The following MYO15B variants were observed in gnomAD, a reference collection of about 807,000 sequenced individuals.
The protein encoded by MYO15B is myosin XVB.
MYO15B carries 207 observed loss-of-function variants against 119.3 expected under a neutral mutation model. The observed-to-expected ratio is 1.73, with a 90% CI of 1.55 to 1.95. The LOEUF is 1.95. Among genes scored for constraint, MYO15B ranks in the 30% most tolerant of loss-of-function variants. The pLI is 0.00. For synonymous variants in MYO15B, 966 were observed against 498.9 expected (o/e 1.94, Z -12.48); for missense variants, 2,264 against 1,203.1 (o/e 1.88, Z -13.04).
chr17:75,617,439 C>T, intron 41 of MYO15B, 135 bp downstream of exon 41: 1 of 563,166 alleles, frequency 1.8e-6, no homozygotes. Context: ...GACTTTGGAG[C>T]CATACGTAGC....
chr17:75,592,926 A>T (rs189045733), intron 9 of MYO15B, 86 bp downstream of exon 9: 4 of 646,368 alleles, frequency 6.2e-6, no homozygotes, highest in Non-Finnish European at 1.1e-5. Flanking sequence ...GCTGGTGTGT[A>T]GGAGACTACA....
At chr17:75,611,766 GCTCAT>G in intron 24 of MYO15B, 108 bp downstream of exon 24, 1 of 695,370 alleles carries the variant, frequency 1.4e-6, no homozygotes. Flanking sequence ...ACTCCCCTGA[GCTCAT>G]CACTTGGGTC....
Position 75,623,856 on chromosome 17 carries a change from T to G in MYO15B, c.8156+2T>G. 2 of 579,728 alleles carry G rather than the reference T, an allele frequency of 3.4e-6. No individual in the cohort carries two copies. Among genetic ancestry groups the G allele is most frequent in the Middle Eastern group, 2.4e-4 (1 of 4,122 alleles). 35.9% of individuals were successfully genotyped at this position (579,728 alleles called of 1,614,324 possible). ...GCAGGTCACGGGACACCCCCGGCCGTGAGTGGGGACCGGTGGCTTCTGGGG... is the reference window on the plus strand; with the variant it reads ...GCAGGTCACGGGACACCCCCGGCCGGGAGTGGGGACCGGTGGCTTCTGGGG... On this transcript the variant is annotated splice_donor_variant, in intron 54 of 63. Coordinates refer to ENST00000645453, the Ensembl canonical transcript of MYO15B. LOFTEE classifies it high-confidence loss of function.
Position 75,621,981 on chromosome 17 carries a change from CCT to C in MYO15B, c.8006-22_8006-21del, listed in dbSNP as rs1316962885. 3.4e-4 allele frequency: 238 copies of C among 702,774 alleles called. 3 individuals are homozygous for C. In the East Asian group the frequency reaches 5.3e-3, roughly 16 times the overall value. The allele number at this position is 702,774 out of a possible 1,614,324, so 43.5% of individuals were successfully genotyped here. On this transcript the variant is annotated intron_variant, in intron 52 of 63. Coordinates refer to ENST00000645453, the Ensembl canonical transcript of MYO15B. ...CCCCAGCACAGCCCCAGCTATGTGCCCTGTTTCTTATCGTGCCTGCAGCCCTG... is the reference window on the plus strand; with the variant it reads ...CCCCAGCACAGCCCCAGCTATGTGCCGTTTCTTATCGTGCCTGCAGCCCTG...
chr17:75,611,109 G>T (rs1416870631), intron 23 of MYO15B, 150 bp downstream of exon 23: 5 of 649,434 alleles, frequency 7.7e-6, no homozygotes, highest in Non-Finnish European at 2.8e-6. Flanking sequence ...GGTGCTCTTG[G>T]CTCTTGGTTT....
exon 64 of MYO15B, among the ~76,000 whole-genome samples, chr17:75,626,685 C>T (rs573185933): frequency 5.3e-5 from 8 of 152,370 alleles, no homozygotes; most frequent in African/African-American, 1.7e-4. Context: ...CTCTCCAGGA[C>T]GGCCTGGGGC....
In MYO15B at chr17:75,622,230, C is replaced by T. The variant is rs765098480; in HGVS notation, c.8082+150C>T. On this transcript the variant is annotated intron_variant, in intron 53 of 63. Coordinates refer to ENST00000645453, the Ensembl canonical transcript of MYO15B. Reference sequence around the variant, plus strand: ...GTGCAGGGGGGTGTGGCTGTGAAGCCAACAGGCTAAGTCTCTGCAGTGCTT... The same window carrying T: ...GTGCAGGGGGGTGTGGCTGTGAAGCTAACAGGCTAAGTCTCTGCAGTGCTT... 3 of 624,068 alleles carry T rather than the reference C, an allele frequency of 4.8e-6. No homozygotes were observed. The Admixed American group carries it at 7.3e-5, about 15-fold the overall frequency. The allele number at this position is 624,068 out of a possible 1,614,324, so 38.7% of individuals were successfully genotyped here. A position where few individuals can be genotyped will look rare whatever the true frequency, so the allele number is the denominator to read the frequency against.
In MYO15B at chr17:75,613,179, C is replaced by T. The variant is rs888401956; in HGVS notation, c.4937C>T (p.Pro1646Leu). 5.7e-6 allele frequency: 4 copies of T among 700,496 alleles called. No individual in the cohort carries two copies. The Admixed American group carries it at 6.0e-5, about 11-fold the overall frequency. 43.4% of individuals were successfully genotyped at this position (700,496 alleles called of 1,614,324 possible). The stretch of plus-strand genomic sequence containing the variant: ...GCTGTTTTGCTCAGCGCCTTTCCCC[C>T]ACTGCCTGTCCTACAGAAGCCACTG... Residue 1646 changes from proline to leucine, a missense_variant, in exon 27 of 64, where the codon CCA becomes CTA. Pro to Leu is a moderately conservative substitution (Grantham distance 98). Coordinates refer to ENST00000645453, the Ensembl canonical transcript of MYO15B.
At chr17:75,599,011 T>A (rs902186524) in intron 14 of MYO15B, among the ~76,000 whole-genome samples, 2 of 152,250 alleles carry the variant, frequency 1.3e-5, no homozygotes, top group Non-Finnish European at 2.9e-5. Flanking sequence ...TGCTATTTTA[T>A]GTTCATTAGC....
chr17:75,619,948 G>C, exon 47 of MYO15B: 1 of 702,862 alleles, frequency 1.4e-6, no homozygotes, highest in Middle Eastern at 2.3e-4. Context: ...AGAGCGAGCA[G>C]CTGGTGCTGC....
At position 75,608,726 on chromosome 17, in the gene MYO15B, T is replaced by TTTGTTGTTGTTG. The variant is rs141390322; in HGVS notation, c.4293-1434_4293-1423dup. Among the ~76,000 whole-genome samples, 10 of 151,594 alleles carry TTTGTTGTTGTTG rather than the reference T, an allele frequency of 6.6e-5. 1 individual carries two copies. Among genetic ancestry groups the TTTGTTGTTGTTG allele is most frequent in the African/African-American group, 2.4e-4 (10 of 41,418 alleles). On this transcript the variant is annotated intron_variant, in intron 21 of 63. Coordinates refer to ENST00000645453, the Ensembl canonical transcript of MYO15B. ...GCATAGGCCACCAAGCCCGGCTAAT[T>TTTGTTGTTGTTG]TTGTTGTTGTTGTTGTTTTTCTTTT...
chr17:75,625,457 G>C, intron 60 of MYO15B, 70 bp from the exon 61 acceptor site: 1 of 692,910 alleles, frequency 1.4e-6, no homozygotes, highest in Non-Finnish European at 2.6e-6. Flanking sequence ...CTGGTTATTT[G>C]GCACGTGCTG....
intron 45 of MYO15B, 48 bp from the exon 46 acceptor site, chr17:75,619,633 C>A: frequency 1.4e-6 from 1 of 699,214 alleles, no homozygotes; most frequent in Non-Finnish European, 2.6e-6. Context: ...GCATCTTGGG[C>A]AGTAGCAGGA....
At chr17:75,601,347 G>A (rs941021392) in intron 14 of MYO15B, 91 bp from the exon 15 acceptor site, 2 of 665,252 alleles carry the variant, frequency 3.0e-6, no homozygotes, top group Admixed American at 4.3e-5. Flanking sequence ...TATAGTCAGT[G>A]TAGGCAGTAC....
At chr17:75,608,595 C>A (rs556436930) in intron 21 of MYO15B, among the ~76,000 whole-genome samples, 1 of 151,834 alleles carries the variant, frequency 6.6e-6, no homozygotes, top group Non-Finnish European at 1.5e-5. Flanking sequence ...GAGCCGAGAT[C>A]GCGCCATTGC....
chr17:75,609,320 C>T (rs543547839), intron 21 of MYO15B, among the ~76,000 whole-genome samples: 21 of 151,234 alleles, frequency 1.4e-4, no homozygotes, highest in African/African-American at 4.9e-4. Flanking sequence ...TACAAGGACA[C>T]GCCGTCATGC....
chr17:75,622,650 G>A (rs773558008), intron 53 of MYO15B, among the ~76,000 whole-genome samples: 8 of 152,186 alleles, frequency 5.3e-5, no homozygotes, highest in Non-Finnish European at 1.0e-4. Context: ...GAGATTCTGG[G>A]TGTCTAAGTT....
At chr17:75,605,834 C>T in intron 20 of MYO15B, 30 bp from the exon 21 acceptor site, 2 of 661,816 alleles carry the variant, frequency 3.0e-6, no homozygotes, top group East Asian at 2.7e-5. Context: ...GCTCCTGGCT[C>T]CTGCCTACAG....
At chr17:75,612,700 C>G in intron 25 of MYO15B, 98 bp from the exon 26 acceptor site, 1 of 662,446 alleles carries the variant, frequency 1.5e-6, no homozygotes, top group Non-Finnish European at 2.7e-6. Flanking sequence ...CATTTCTGTC[C>G]AGCCCCTCTG....
Sources: allele counts gnomAD v4.1 joint callset (sites outside exome capture counted in the v4.1 genomes callset), GRCh38; gene constraint gnomAD v4.1.1; transcripts MANE v1.5; gene names NCBI Gene and HGNC (gene_info 2026-07-23, HGNC 2026-07-21).